The following UQCRC2 variants were observed in gnomAD, a reference collection of about 807,000 sequenced individuals.
The protein encoded by UQCRC2 is ubiquinol-cytochrome c reductase core protein 2, also known as cytochrome b-c1 complex subunit 2, mitochondrial.
A neutral mutation model predicts 55.6 loss-of-function variants in UQCRC2; 49 were observed. The ratio of observed to expected loss-of-function variants is 0.88; its 90% CI spans 0.70 to 1.12. The LOEUF (loss-of-function observed/expected upper bound fraction) is 1.12. Among genes scored for constraint, UQCRC2 ranks in the 50% most tolerant of loss-of-function variants. The pLI is 0.00. For synonymous variants in UQCRC2, 193 were observed against 192.0 expected (o/e 1.01, Z -0.04); for missense variants, 506 against 547.8 (o/e 0.92, Z 0.76).
chr16:21,974,075 T>A, intron 11 of UQCRC2, 99 bp downstream of exon 11: 1 of 1,059,074 alleles, frequency 9.4e-7, no homozygotes. Context: ...TTGAATGCAG[T>A]GCAATGACTT....
intron 7 of UQCRC2, chr16:21,968,374 G>T: frequency 3.3e-6 from 1 of 305,634 alleles, no homozygotes; most frequent in Non-Finnish European, 6.0e-6. Context: ...TATTTAAAGT[G>T]TACACAATTC....
At chr16:21,961,068 T>C (rs936995934) in intron 4 of UQCRC2, among the ~76,000 whole-genome samples, 6 of 152,150 alleles carry the variant, frequency 3.9e-5, no homozygotes, top group Non-Finnish European at 5.9e-5. Context: ...TGGCCTCAGG[T>C]GATCCTCTCA....
chr16:21,976,883 A>G (rs1490605068), intron 12 of UQCRC2: 4 of 152,228 alleles, frequency 2.6e-5, no homozygotes, highest in Non-Finnish European at 4.4e-5. Context: ...AATTTAAACA[A>G]TATTCATTGG....
intron 6 of UQCRC2, 45 bp from the exon 7 acceptor site, chr16:21,965,363 T>G (rs1451910169): frequency 6.3e-7 from 1 of 1,580,278 alleles, no homozygotes; most frequent in Non-Finnish European, 8.7e-7. Flanking sequence ...ATGTTGTCTT[T>G]ACTGAAAGTG....
At position 21,968,674 on chromosome 16, in the gene UQCRC2, T is replaced by C. The variant is rs767810414; in HGVS notation, c.659T>C (p.Leu220Ser). Residue 220 changes from leucine to serine, a missense_variant, in exon 8 of 14, where the codon TTG becomes TCG. Physicochemically the swap from Leu to Ser is moderately radical, Grantham distance 145. Transcript: ENST00000268379. ...QNHFTSARMALIGLGVSHPVL... is the reference protein window; with the variant it reads ...QNHFTSARMASIGLGVSHPVL... Reference sequence around the variant, plus strand: ...CATTTCACAAGTGCAAGAATGGCTTTGATTGGACTTGGTAAGTTTAGAGTA... The same window carrying C: ...CATTTCACAAGTGCAAGAATGGCTTCGATTGGACTTGGTAAGTTTAGAGTA... The C allele has an allele frequency of 1.2e-6, 2 of 1,609,836 alleles. No homozygotes were observed. The highest frequency in any genetic ancestry group is 1.7e-6 in the Non-Finnish European group (2 of 1,177,814).
Position 21,962,959 on chromosome 16 carries a change from A to G in UQCRC2, c.514+74A>G. ...AGAAGATCAATTTATAGAAGAAAAA[A>G]AATTGCTGTCAAAATTTTTATTTTT... On this transcript the variant is annotated intron_variant, in intron 6 of 13. Transcript: ENST00000268379. 2.1e-5 allele frequency: 31 copies of G among 1,506,690 alleles called. 2 individuals carry two copies. The South Asian group carries it at 3.7e-4, about 18-fold the overall frequency. The allele number at this position is 1,506,690 out of a possible 1,614,324, so 93.3% of individuals were successfully genotyped here.
chr16:21,973,066 C>T (rs1252330554), intron 10 of UQCRC2, among the ~76,000 whole-genome samples: 1 of 152,194 alleles, frequency 6.6e-6, no homozygotes, highest in Non-Finnish European at 1.5e-5. Flanking sequence ...TGCCACTGCA[C>T]TCCAGCCTGG....
intron 4 of UQCRC2, among the ~76,000 whole-genome samples, chr16:21,960,871 C>T (rs1316332250): frequency 6.6e-6 from 1 of 152,026 alleles, no homozygotes; most frequent in Non-Finnish European, 1.5e-5. Context: ...TGCTCTGTTT[C>T]CCAGGCTGGA....
intron 12 of UQCRC2, among the ~76,000 whole-genome samples, chr16:21,979,736 A>G (rs749375376): frequency 1.1e-4 from 16 of 152,192 alleles, no homozygotes; most frequent in Non-Finnish European, 2.1e-4. Flanking sequence ...TAAACACTGT[A>G]AACATAGGCT....
chr16:21,983,183 A>G lies in UQCRC2; in HGVS notation c.*12A>G. 5 of 1,611,246 alleles carry G rather than the reference A, an allele frequency of 3.1e-6. No individual in the cohort carries two copies. Among genetic ancestry groups the G allele is most frequent in the Non-Finnish European group, 4.2e-6 (5 of 1,177,524 alleles). On this transcript the variant is annotated 3_prime_UTR_variant, in exon 14 of 14. Coordinates refer to ENST00000268379, the MANE Select transcript of UQCRC2 (RefSeq NM_003366.4). Reference sequence around the variant, plus strand: ...TTGATGAGTTGTAATACTGATGCACACATTACAGGAGAGAGCTGAACGTTC... The same window carrying G: ...TTGATGAGTTGTAATACTGATGCACGCATTACAGGAGAGAGCTGAACGTTC...
At position 21,976,236 on chromosome 16, in the gene UQCRC2, G is replaced by A. The variant is rs762864827; in HGVS notation, c.1117G>A (p.Ala373Thr). 1.2e-6 allele frequency: 2 copies of A among 1,613,042 alleles called. No homozygotes were observed. The highest frequency in any genetic ancestry group is 2.2e-5 in the South Asian group (2 of 91,042). Residue 373 changes from alanine to threonine, a missense_variant, in exon 12 of 14, where the codon GCT becomes ACT. Coordinates refer to ENST00000268379, the MANE Select transcript of UQCRC2 (RefSeq NM_003366.4). ...AAACCTTTCCAACACAGATGTCCAA[G>A]CTGCCAAGTAAGTCTCAGTATTAAC... Reference protein sequence around the residue: ...QGNLSNTDVQAAKNKLKAGYL... With the variant: ...QGNLSNTDVQTAKNKLKAGYL...
chr16:21,959,425 TC>T, intron 4 of UQCRC2: 2 of 200,218 alleles, frequency 1.0e-5, no homozygotes, highest in South Asian at 7.3e-5. Flanking sequence ...CCTCATCTGT[TC>T]AAGCTTTATC....
chr16:21,961,731 A>T (rs1898211413), intron 4 of UQCRC2, among the ~76,000 whole-genome samples: 1 of 141,998 alleles, frequency 7.0e-6, no homozygotes, highest in Non-Finnish European at 1.5e-5. Context: ...GGCTCACTGT[A>T]ACCTCCGCCT....
intron 4 of UQCRC2, among the ~76,000 whole-genome samples, chr16:21,961,661 TA>T (rs1567470601): frequency 9.8e-6 from 1 of 102,154 alleles, no homozygotes; most frequent in Admixed American, 1.0e-4. Context: ...TATATATATA[TA>T]TATATATTTT....
At chr16:21,965,608 T>A in intron 7 of UQCRC2, 103 bp downstream of exon 7, 1 of 995,964 alleles carries the variant, frequency 1.0e-6, no homozygotes, top group Non-Finnish European at 1.4e-6. Context: ...CTTCTAACTT[T>A]AAGAAATTCA....
rs538811695 is a variant in UQCRC2 at position 21,973,615 on chromosome 16, A to G, written c.967-281A>G. ...ATAATGTTTGCAGATTAGTGTTTGC[A>G]TAAACCTTTAATCATCTAAAGCAGG... On this transcript the variant is annotated intron_variant, in intron 10 of 13. Coordinates refer to ENST00000268379, the MANE Select transcript of UQCRC2 (RefSeq NM_003366.4). 7.2e-5 allele frequency among the ~76,000 whole-genome samples: 11 copies of G among 152,354 alleles called. No individual in the cohort carries two copies. The South Asian group carries it at 1.2e-3, about 17-fold the overall frequency.
intron 8 of UQCRC2, among the ~76,000 whole-genome samples, chr16:21,970,566 G>A (rs1898434671): frequency 6.6e-6 from 1 of 152,042 alleles, no homozygotes; most frequent in Non-Finnish European, 1.5e-5. Context: ...TGTGCTTTTT[G>A]TCCATTTGTA....
Position 21,972,104 on chromosome 16 carries a change from A to G in UQCRC2, c.948A>G (p.Ala316=), listed in dbSNP as rs745870430. The change falls in exon 10 of 14, where the codon GCA becomes GCG. Residue 316 remains alanine (A), a synonymous_variant. Coordinates refer to ENST00000268379, the MANE Select transcript of UQCRC2 (RefSeq NM_003366.4). ...ATCTGCACCAGGCTGTTGCCAAGGC[A>G]ACTCAGCAGCCATTTGATGTGAGTC... is the stretch of plus-strand genomic sequence containing the variant. ...TSHLHQAVAK[A]TQQPFDVSAF... The G allele has an allele frequency of 5.6e-6, 9 of 1,613,616 alleles. No homozygotes were observed. Among genetic ancestry groups the G allele is most frequent in the Non-Finnish European group, 7.6e-6 (9 of 1,179,822 alleles).
chr16:21,978,149 G>A (rs575531012), intron 12 of UQCRC2, among the ~76,000 whole-genome samples: 37 of 152,270 alleles, frequency 2.4e-4, no homozygotes, highest in Non-Finnish European at 4.7e-4. Flanking sequence ...CATTTTGATG[G>A]AGTTGATACT....
Sources: gnomAD v4.1 joint callset for allele counts (sites outside exome capture counted in the v4.1 genomes callset) on GRCh38, gnomAD v4.1.1 for gene constraint, MANE v1.5 for transcripts, NCBI Gene and HGNC (gene_info 2026-07-23, HGNC 2026-07-21) for gene names.